The following CNTNAP2 variants were observed in gnomAD, a reference collection of about 807,000 sequenced individuals.
The protein encoded by CNTNAP2 is contactin-associated protein-like 2.
Under a neutral mutation model 155.2 loss-of-function variants are expected in CNTNAP2, and 98 were observed. The ratio of observed to expected loss-of-function variants is 0.63; its 90% CI spans 0.54 to 0.75. The LOEUF (loss-of-function observed/expected upper bound fraction) is 0.75, where lower values mean the gene tolerates loss of function less well. Among genes scored for constraint, CNTNAP2 ranks in the 30% least tolerant of loss-of-function variants. The pLI, the probability that CNTNAP2 is intolerant of heterozygous loss-of-function variation, is 0.00. For synonymous variants in CNTNAP2, 651 were observed against 631.2 expected (o/e 1.03, Z -0.47); for missense variants, 1,727 against 1,688.1 (o/e 1.02, Z -0.40).
At chr7:146,311,627 A>C (rs1306764316) in intron 1 of CNTNAP2, 2 of 148,074 alleles carry the variant, frequency 1.4e-5, no homozygotes, top group Non-Finnish European at 3.0e-5. Flanking sequence ...AAAAAAAAAA[A>C]AGAAAGAAAG....
rs1039288989 is a variant in CNTNAP2, at chr7:148,243,619, C to T, written c.3381+13840C>T. 3.3e-5 allele frequency among the ~76,000 whole-genome samples: 5 copies of T among 151,900 alleles called. 1 individual carries two copies. The highest frequency in any genetic ancestry group is 2.6e-4 in the Admixed American group (4 of 15,254). On this transcript the variant is annotated intron_variant, in intron 20 of 23. Coordinates refer to ENST00000361727, the MANE Select transcript of CNTNAP2 (RefSeq NM_014141.6). ...GCCTCTTTTTAAACCCGTCAGATCT[C>T]GTGAGACTTATTCACTATCACAAGA...
At chr7:146,710,544 T>A (rs1801045807) in intron 1 of CNTNAP2, among the ~76,000 whole-genome samples, 1 of 152,194 alleles carries the variant, frequency 6.6e-6, no homozygotes, top group African/African-American at 2.4e-5. Flanking sequence ...TCATTAGTTT[T>A]ATTTCACTTA....
rs796940228 is a variant in CNTNAP2 at position 148,024,173 on chromosome 7, A to AAAAAAAAAAAAAAC, written c.2383+46190_2383+46191insAAAAAAACAAAAAA. Among the ~76,000 whole-genome samples the AAAAAAAAAAAAAAC allele has an allele frequency of 2.8e-4, 41 of 147,972 alleles. No individual in the cohort carries two copies. In the East Asian group the frequency reaches 3.6e-3, roughly 13 times the overall value. The stretch of plus-strand genomic sequence containing the variant: ...TTTAAAGTGTAAAAAAAAAAAAAAA[A>AAAAAAAAAAAAAAC]AAAAAACTTTATAACATCCTGAGAA... On this transcript the variant is annotated intron_variant, in intron 15 of 23. Coordinates refer to ENST00000361727, the MANE Select transcript of CNTNAP2 (RefSeq NM_014141.6).
At chr7:146,814,518 T>G (rs1803126034) in intron 2 of CNTNAP2, among the ~76,000 whole-genome samples, 2 of 152,120 alleles carry the variant, frequency 1.3e-5, no homozygotes, top group South Asian at 4.1e-4. Flanking sequence ...AAAAAAGAAG[T>G]GCAAACTATA....
intron 3 of CNTNAP2, among the ~76,000 whole-genome samples, chr7:146,903,606 CCTCT>C (rs1244755229): frequency 6.6e-6 from 1 of 152,158 alleles, no homozygotes; most frequent in African/African-American, 2.4e-5. Flanking sequence ...CCAGATCTGA[CCTCT>C]CTCTATCCTC....
chr7:146,710,949 A>G (rs991199043), intron 1 of CNTNAP2, among the ~76,000 whole-genome samples: 4 of 151,980 alleles, frequency 2.6e-5, no homozygotes, highest in Non-Finnish European at 4.4e-5. Flanking sequence ...AGACAGAGGG[A>G]AAGTTGAGGC....
chr7:146,315,322 T>A (rs1212101631), intron 1 of CNTNAP2, among the ~76,000 whole-genome samples: 1 of 152,038 alleles, frequency 6.6e-6, no homozygotes, highest in African/African-American at 2.4e-5. Flanking sequence ...TAAGAGCCCC[T>A]CCCCCTTGCA....
chr7:146,215,420 C>T (rs1398917878), intron 1 of CNTNAP2, among the ~76,000 whole-genome samples: 1 of 152,030 alleles, frequency 6.6e-6, no homozygotes, highest in African/African-American at 2.4e-5. Flanking sequence ...AACCCATCCA[C>T]CTTATCAGGG....
chr7:146,631,590 C>A (rs956976567), intron 1 of CNTNAP2, among the ~76,000 whole-genome samples: 1 of 152,138 alleles, frequency 6.6e-6, no homozygotes, highest in African/African-American at 2.4e-5. Context: ...GAGAAGTTTT[C>A]TGGTCTCTTC....
At chr7:148,281,854 T>TTTTG (rs1796978289) in intron 21 of CNTNAP2, among the ~76,000 whole-genome samples, 1 of 146,116 alleles carries the variant, frequency 6.8e-6, no homozygotes, top group Admixed American at 6.8e-5. Context: ...TTTTTTTTTT[T>TTTTG]GAGACGGAGT....
intron 3 of CNTNAP2, among the ~76,000 whole-genome samples, chr7:147,003,370 T>G (rs1030711497): frequency 5.9e-5 from 9 of 151,830 alleles, no homozygotes; most frequent in African/African-American, 2.2e-4. Context: ...AAAAAGGGGC[T>G]ATAAACAAAA....
intron 8 of CNTNAP2, among the ~76,000 whole-genome samples, chr7:147,178,963 T>A (rs1290626290): frequency 6.6e-6 from 1 of 152,096 alleles, no homozygotes; most frequent in African/African-American, 2.4e-5. Flanking sequence ...GCAGGGGTCT[T>A]TCATTTTCAT....
intron 16 of CNTNAP2, among the ~76,000 whole-genome samples, chr7:148,123,666 AGG>A (rs1445112212): frequency 3.3e-5 from 5 of 150,760 alleles, no homozygotes; most frequent in Admixed American, 6.6e-5. Context: ...GAAGGAAGGA[AGG>A]AAGGAAGGAA....
At chr7:146,812,445 A>AATATATATATATATATATAAAAAAT (rs368632208) in intron 2 of CNTNAP2, among the ~76,000 whole-genome samples, 1 of 144,570 alleles carries the variant, frequency 6.9e-6, no homozygotes, top group Non-Finnish European at 1.5e-5. Flanking sequence ...ATATATAAAA[A>AATATATATATATATATATAAAAAAT]ATATATATAT....
At chr7:147,853,001 C>T (rs150533282) in intron 13 of CNTNAP2, among the ~76,000 whole-genome samples, 83 of 152,300 alleles carry the variant, frequency 5.4e-4, no homozygotes, top group African/African-American at 1.9e-3. Flanking sequence ...GAACATTGTA[C>T]TTCATGTGTC....
chr7:147,761,509 A>C (rs1447679653), intron 13 of CNTNAP2, among the ~76,000 whole-genome samples: 1 of 152,146 alleles, frequency 6.6e-6, no homozygotes, highest in Non-Finnish European at 1.5e-5. Flanking sequence ...CCTGTGCTTC[A>C]ACAATCACCA....
At chr7:147,797,205 T>TGAAA (rs1230226719) in intron 13 of CNTNAP2, among the ~76,000 whole-genome samples, 1 of 152,154 alleles carries the variant, frequency 6.6e-6, no homozygotes, top group African/African-American at 2.4e-5. Context: ...ACCTACATGG[T>TGAAA]TACCTTTGTA....
At position 148,273,540 on chromosome 7, in the gene CNTNAP2, G is replaced by T. The variant is rs548969427; in HGVS notation, c.3475+6414G>T. On this transcript the variant is annotated intron_variant, in intron 21 of 23. Coordinates refer to ENST00000361727, the MANE Select transcript of CNTNAP2 (RefSeq NM_014141.6). ...CAAATTAACTATTTCTGCCATCGCT[G>T]TAAATCAGAGTAATATAAAACCGTA... is the stretch of plus-strand genomic sequence containing the variant. Among the ~76,000 whole-genome samples, 12 of 152,236 alleles carry T rather than the reference G, an allele frequency of 7.9e-5. No individual in the cohort carries two copies. In the South Asian group the frequency reaches 2.5e-3, roughly 32 times the overall value.
chr7:148,293,382 G>A (rs1797226213), intron 21 of CNTNAP2, among the ~76,000 whole-genome samples: 1 of 152,160 alleles, frequency 6.6e-6, no homozygotes, highest in African/African-American at 2.4e-5. Flanking sequence ...AGTTTTACAG[G>A]CTTGTTTTCG....
Sources: allele counts gnomAD v4.1 joint callset (sites outside exome capture counted in the v4.1 genomes callset), GRCh38; gene constraint gnomAD v4.1.1; transcripts MANE v1.5; gene names NCBI Gene and HGNC (gene_info 2026-07-23, HGNC 2026-07-21).